NXPH1: variants seen among roughly 807,000 people sequenced by gnomAD.
The protein encoded by NXPH1 is neurexophilin-1.
NXPH1 carries 5 observed loss-of-function variants against 23.7 expected under a neutral mutation model. The ratio of observed to expected loss-of-function variants is 0.21; its 90% confidence interval spans 0.11 to 0.44. The LOEUF (loss-of-function observed/expected upper bound fraction) is 0.44, where lower values mean the gene tolerates loss of function less well. Among genes scored for constraint, NXPH1 ranks in the 20% least tolerant of loss-of-function variants. The pLI is 0.99. For missense variants in NXPH1, 324 were observed against 321.6 expected (o/e 1.01, Z -0.06); for synonymous variants, 144 against 122.2 (o/e 1.18, Z -1.18).
chr7:8,542,254 ATAAT>A (rs531624600), intron 2 of NXPH1, among the ~76,000 whole-genome samples: 46 of 151,740 alleles, frequency 3.0e-4, no homozygotes, highest in African/African-American at 1.1e-3. Context: ...TAATTTCATA[ATAAT>A]TAATGGGTAA....
At chr7:8,699,144 G>C (rs756933155) in intron 2 of NXPH1, among the ~76,000 whole-genome samples, 1 of 152,026 alleles carries the variant, frequency 6.6e-6, no homozygotes, top group Non-Finnish European at 1.5e-5. Flanking sequence ...TTTTCACTCA[G>C]ATCCAGTTGT....
At chr7:8,537,865 C>A (rs1818052431) in intron 2 of NXPH1, among the ~76,000 whole-genome samples, 1 of 151,692 alleles carries the variant, frequency 6.6e-6, no homozygotes, top group African/African-American at 2.4e-5. Flanking sequence ...TTAGACCTTA[C>A]TTTTTATATT....
intron 2 of NXPH1, among the ~76,000 whole-genome samples, chr7:8,563,190 G>T (rs1285440819): frequency 6.6e-6 from 1 of 151,738 alleles, no homozygotes; most frequent in Non-Finnish European, 1.5e-5. Flanking sequence ...GCCAGTTCCT[G>T]TTCTAAACTT....
intron 2 of NXPH1, among the ~76,000 whole-genome samples, chr7:8,451,256 C>T (rs755264858): frequency 3.9e-5 from 6 of 151,906 alleles, no homozygotes; most frequent in Non-Finnish European, 5.9e-5. Context: ...TTTCAGAGAG[C>T]GGGTGTCTGA....
At chr7:8,466,803 C>T (rs6970638) in intron 2 of NXPH1, among the ~76,000 whole-genome samples, 90,121 of 151,962 alleles carry the variant, frequency 0.59, 29,365 homozygotes, top group African/African-American at 0.87. Flanking sequence ...CTGTTTCCGA[C>T]CTGCCCCTCC....
intron 2 of NXPH1, among the ~76,000 whole-genome samples, chr7:8,491,051 A>T (rs79936108): frequency 0.052 from 7,929 of 152,126 alleles, 683 homozygotes; most frequent in African/African-American, 0.18. Flanking sequence ...TTACTATTAG[A>T]AAAACATTTT....
At chr7:8,473,583 C>T (rs764910319) in intron 2 of NXPH1, among the ~76,000 whole-genome samples, 16 of 152,050 alleles carry the variant, frequency 1.1e-4, no homozygotes, top group East Asian at 1.9e-4. Context: ...AACATCTTTT[C>T]GCTCCCACAC....
intron 2 of NXPH1, among the ~76,000 whole-genome samples, chr7:8,737,461 C>T (rs1029419502): frequency 6.6e-6 from 1 of 152,118 alleles, no homozygotes; most frequent in Non-Finnish European, 1.5e-5. Flanking sequence ...ATATTGGCCC[C>T]CAGTCTCTTG....
intron 2 of NXPH1, among the ~76,000 whole-genome samples, chr7:8,703,414 G>C (rs965579923): frequency 9.9e-5 from 15 of 151,964 alleles, no homozygotes; most frequent in African/African-American, 3.4e-4. Flanking sequence ...ACCTGGTTTG[G>C]TTTTTGTTTT....
chr7:8,700,625 T>G (rs1011439461), intron 2 of NXPH1, among the ~76,000 whole-genome samples: 1 of 152,176 alleles, frequency 6.6e-6, no homozygotes, highest in Admixed American at 6.6e-5. Flanking sequence ...CTTTCACTTT[T>G]TTATTATATT....
intron 2 of NXPH1, among the ~76,000 whole-genome samples, chr7:8,736,774 G>A (rs1317161694): frequency 2.0e-5 from 3 of 152,026 alleles, no homozygotes; most frequent in Non-Finnish European, 4.4e-5. Context: ...TCTCTTTTTA[G>A]GTGTCTAAAA....
intron 2 of NXPH1, among the ~76,000 whole-genome samples, chr7:8,473,194 A>C (rs1313854259): frequency 6.6e-6 from 1 of 152,138 alleles, no homozygotes; most frequent in African/African-American, 2.4e-5. Context: ...AATGTAGGGA[A>C]ATGGCCATTG....
intron 2 of NXPH1, among the ~76,000 whole-genome samples, chr7:8,554,653 G>T (rs1818327906): frequency 6.6e-6 from 1 of 151,690 alleles, no homozygotes; most frequent in African/African-American, 2.4e-5. Flanking sequence ...AGAGATACCT[G>T]TCTTAAAACC....
In NXPH1 at chr7:8,655,436, CTCTCTCTCTCTCT is replaced by C. The variant is rs1562444317; in HGVS notation, c.55-95571_55-95559del. Reference sequence around the variant, plus strand: ...TCTCTCTCTCTCTCTCTCTCTCTCTCTCTCTCTCTCTCTATACACACACACACACACACACACA... The same window carrying C: ...TCTCTCTCTCTCTCTCTCTCTCTCTCATACACACACACACACACACACACA... On this transcript the variant is annotated intron_variant, in intron 2 of 2. Transcript: ENST00000405863. 1.9e-4 allele frequency among the ~76,000 whole-genome samples: 27 copies of C among 144,042 alleles called. 1 individual carries two copies. The highest frequency in any genetic ancestry group is 5.3e-5 in the African/African-American group (2 of 37,740). The allele number at this position is 144,042 out of a possible 152,430, so 94.5% of individuals were successfully genotyped here. A position where few individuals can be genotyped will look rare whatever the true frequency, so the allele number is the denominator to read the frequency against.
intron 2 of NXPH1, among the ~76,000 whole-genome samples, chr7:8,520,207 C>T (rs985066833): frequency 3.9e-5 from 6 of 152,226 alleles, no homozygotes; most frequent in South Asian, 2.1e-4. Context: ...AATCCATTGC[C>T]GCTATCCATC....
intron 2 of NXPH1, among the ~76,000 whole-genome samples, chr7:8,584,137 C>T (rs1439051222): frequency 6.6e-6 from 1 of 152,038 alleles, no homozygotes; most frequent in Non-Finnish European, 1.5e-5. Context: ...TATTATTATC[C>T]TAATTTTATA....
chr7:8,751,146 G>A lies in NXPH1; in HGVS notation c.193G>A (p.Gly65Ser), dbSNP rs1273424834. The A allele has an allele frequency of 6.2e-7, 1 of 1,613,682 alleles. No individual in the cohort carries two copies. The highest frequency in any genetic ancestry group is 1.3e-5 in the African/African-American group (1 of 74,904). ...ISRLLSQTFR[G>S]KENDTDLDLR... The stretch of plus-strand genomic sequence containing the variant: ...CCGACTCCTGTCACAGACTTTTCGT[G>A]GCAAAGAGAATGATACAGATTTGGA... The change falls in exon 3 of 3, where the codon GGC (glycine) becomes AGC (serine). Residue 65 changes from glycine (G) to serine (S), a missense_variant. Gly to Ser is a moderately conservative substitution (Grantham distance 56). Coordinates refer to ENST00000405863, the MANE Select transcript of NXPH1 (RefSeq NM_152745.3). The surrounding 1 kb of genome is among the most constrained non-coding windows in gnomAD (Gnocchi z 4.5).
At chr7:8,688,291 C>A (rs1311096437) in intron 2 of NXPH1, among the ~76,000 whole-genome samples, 3 of 152,114 alleles carry the variant, frequency 2.0e-5, no homozygotes, top group Non-Finnish European at 4.4e-5. Context: ...TAATGTAAGT[C>A]ATGGAACTGA....
chr7:8,446,831 G>A (rs191580250), intron 2 of NXPH1, among the ~76,000 whole-genome samples: 86 of 151,646 alleles, frequency 5.7e-4, no homozygotes, highest in African/African-American at 1.9e-3. Context: ...AATTATACAC[G>A]GTTAAAAATC....
Sources: gnomAD v4.1 joint callset for allele counts (sites outside exome capture counted in the v4.1 genomes callset) on GRCh38, gnomAD v4.1.1 for gene constraint, Gnocchi (gnomAD v3.1) non-coding constraint, MANE v1.5 for transcripts, NCBI Gene and HGNC (gene_info 2026-07-23, HGNC 2026-07-21) for gene names.